NUP210: variants seen among roughly 807,000 people sequenced by gnomAD.
NUP210 encodes nuclear pore membrane glycoprotein 210.
NUP210 carries 151 observed loss-of-function variants against 196.0 expected under a neutral mutation model. The observed-to-expected ratio is 0.77, with a 90% CI of 0.67 to 0.88. NUP210 has a LOEUF of 0.88. Ranked by LOEUF, NUP210 falls within the 40% of genes least tolerant of loss-of-function variation. The probability of loss-of-function intolerance (pLI) is 0.00; values close to 1 mark genes in which losing one functional copy is unlikely to be tolerated. For synonymous variants in NUP210, 1,070 were observed against 1,052.7 expected (o/e 1.02, Z -0.32); for missense variants, 2,314 against 2,493.7 (o/e 0.93, Z 1.53).
Position 13,353,596 on chromosome 3 carries a change from G to A in NUP210, c.2586C>T (p.Gly862=). The change falls in exon 18 of 40, where the codon GGC becomes GGT. Residue 862 remains glycine (G), a synonymous_variant. Coordinates refer to ENST00000254508, the MANE Select transcript of NUP210 (RefSeq NM_024923.4). ...GTTAITATAT[G]YQESHLSSAR... ...CAGAGCTGAGGTGGGACTCCTGGTAGCCAGTGGCAGTGGCAGTGATGGCTG... is the reference window on the plus strand; with the variant it reads ...CAGAGCTGAGGTGGGACTCCTGGTAACCAGTGGCAGTGGCAGTGATGGCTG... 6.2e-7 allele frequency: 1 copy of A among 1,614,160 alleles called. No individual in the cohort carries two copies. The highest frequency in any genetic ancestry group is 8.5e-7 in the Non-Finnish European group (1 of 1,180,012).
chr3:13,319,807 G>A lies in NUP210; in HGVS notation c.5339C>T (p.Pro1780Leu), dbSNP rs866234498. ...SPVTNQAIAI[P>L]VTVAFVVDRR... is the part of the protein sequence containing the mutation. ...ATCCACCACAAAAGCCACTGTCACT[G>A]GGATGGCAATGGCTTGGTTGGTCAC... The change falls in exon 37 of 40, where the codon CCA becomes CTA. Residue 1780 changes from proline to leucine, a missense_variant. By Grantham distance (98) the Pro-to-Leu change is moderately conservative. Transcript: ENST00000254508. 1 of 1,614,226 alleles carries A rather than the reference G, an allele frequency of 6.2e-7. No individual in the cohort carries two copies. Among genetic ancestry groups the A allele is most frequent in the African/African-American group, 1.3e-5 (1 of 75,070 alleles).
chr3:13,406,256 G>T (rs1167103955), intron 1 of NUP210, among the ~76,000 whole-genome samples: 1 of 152,130 alleles, frequency 6.6e-6, no homozygotes, highest in African/African-American at 2.4e-5. Context: ...GATATAAGCT[G>T]CCATTCTCCA....
chr3:13,350,218 CTGTG>C lies in NUP210; in HGVS notation c.2835+1657_2835+1660del, dbSNP rs143794532. The stretch of plus-strand genomic sequence containing the variant: ...TGTGTGTTCAGCAAAATAACACAGC[CTGTG>C]TGTGTGTGTGTTCAGCAAAATAACA... On this transcript the variant is annotated intron_variant, in intron 20 of 39. Coordinates refer to ENST00000254508, the MANE Select transcript of NUP210 (RefSeq NM_024923.4). This position sits in a 1 kb window ranked among gnomAD's most constrained non-coding sequence, Gnocchi z 4.1. Among the ~76,000 whole-genome samples the C allele has an allele frequency of 7.7e-6, 1 of 130,516 alleles. No homozygotes were observed. The highest frequency in any genetic ancestry group is 2.2e-4 in the South Asian group (1 of 4,464). The allele number at this position is 130,516 out of a possible 152,430, so 85.6% of individuals were successfully genotyped here. A position where few individuals can be genotyped will look rare whatever the true frequency, so the allele number is the denominator to read the frequency against.
chr3:13,391,693 C>G (rs1003430811), intron 3 of NUP210, among the ~76,000 whole-genome samples: 1 of 142,000 alleles, frequency 7.0e-6, no homozygotes, highest in Non-Finnish European at 1.5e-5. Flanking sequence ...TTCCTGCTCA[C>G]CACTTCCTGG....
intron 1 of NUP210, among the ~76,000 whole-genome samples, chr3:13,414,896 G>A (rs1014179566): frequency 2.0e-5 from 3 of 152,198 alleles, no homozygotes; most frequent in African/African-American, 7.2e-5. Flanking sequence ...ATCTCCTGCT[G>A]CTTCACTGTC....
At chr3:13,373,900 C>T in intron 11 of NUP210, 27 bp from the exon 12 acceptor site, 1 of 1,609,664 alleles carries the variant, frequency 6.2e-7, no homozygotes, top group Non-Finnish European at 8.5e-7. Flanking sequence ...ATCACAGGAC[C>T]AGCCACCCAC....
At chr3:13,351,703 G>GT (rs1697979241) in intron 20 of NUP210, 176 bp downstream of exon 20, 1 of 578,826 alleles carries the variant, frequency 1.7e-6, no homozygotes, top group East Asian at 2.9e-5. Flanking sequence ...TCACTATATT[G>GT]TCCAGGCTGG....
chr3:13,344,584 G>C (rs1310997213), intron 20 of NUP210, among the ~76,000 whole-genome samples: 1 of 151,922 alleles, frequency 6.6e-6, no homozygotes, highest in Non-Finnish European at 1.5e-5. Flanking sequence ...CTGACCCAAA[G>C]GTGACAACCA....
chr3:13,387,301 G>A (rs1376048067), intron 5 of NUP210, among the ~76,000 whole-genome samples: 1 of 152,212 alleles, frequency 6.6e-6, no homozygotes, highest in African/African-American at 2.4e-5. Flanking sequence ...ACCACCATGG[G>A]CAGGGCTCTG....
Position 13,347,400 on chromosome 3 carries a change from A to G in NUP210, c.2836-4097T>C. 1.1e-6 allele frequency: 1 copy of G among 917,704 alleles called. No individual in the cohort carries two copies. The allele number at this position is 917,704 out of a possible 1,614,324, so 56.8% of individuals were successfully genotyped here. On this transcript the variant is annotated intron_variant, in intron 20 of 39. Transcript: ENST00000254508. This position sits in a 1 kb window ranked among gnomAD's most constrained non-coding sequence, Gnocchi z 4.7. ...TGAAATGTAAAGAATCGTTGAAAAG[A>G]AGGAAAACTTAGGCTTAAATCGGAT... is the stretch of plus-strand genomic sequence containing the variant.
At chr3:13,371,338 G>A (rs940240609) in intron 13 of NUP210, among the ~76,000 whole-genome samples, 2 of 152,180 alleles carry the variant, frequency 1.3e-5, no homozygotes, top group African/African-American at 4.8e-5. Flanking sequence ...AAAGTCCTAA[G>A]GAGGTCAGGC....
chr3:13,344,211 ACT>A (rs1189100018), intron 20 of NUP210, among the ~76,000 whole-genome samples: 3 of 151,920 alleles, frequency 2.0e-5, no homozygotes, highest in Admixed American at 6.6e-5. Context: ...TACCTTTAAG[ACT>A]CTCCCCTAAG....
At chr3:13,392,374 A>G (rs999261262) in intron 3 of NUP210, among the ~76,000 whole-genome samples, 3 of 152,198 alleles carry the variant, frequency 2.0e-5, no homozygotes, top group Non-Finnish European at 4.4e-5. Context: ...CGTCAATGTG[A>G]GCAACTGATC....
At chr3:13,346,388 GAC>G (rs1697729453) in intron 20 of NUP210, among the ~76,000 whole-genome samples, 1 of 152,224 alleles carries the variant, frequency 6.6e-6, no homozygotes, top group Admixed American at 6.5e-5. Flanking sequence ...CTTCCTGATT[GAC>G]ACATGGGAGA....
intron 20 of NUP210, among the ~76,000 whole-genome samples, chr3:13,349,298 G>A (rs919873899): frequency 3.3e-5 from 5 of 152,144 alleles, no homozygotes; most frequent in Admixed American, 2.0e-4. Flanking sequence ...CAGGTGATTC[G>A]TTTCCTAGGA....
At chr3:13,390,016 G>A (rs1009712869) in intron 4 of NUP210, among the ~76,000 whole-genome samples, 2 of 152,162 alleles carry the variant, frequency 1.3e-5, no homozygotes, top group African/African-American at 4.8e-5. Context: ...CAGAGACTAA[G>A]AGAAACAGGA....
chr3:13,328,804 G>A lies in NUP210; in HGVS notation c.4253C>T (p.Ala1418Val). The A allele has an allele frequency of 6.2e-7, 1 of 1,614,164 alleles. No homozygotes were observed. ...GGCAAAGTTGAGGACCGAACTGTGAGCATGGAAGACATCTCCAGAGTTGTC... is the reference window on the plus strand; with the variant it reads ...GGCAAAGTTGAGGACCGAACTGTGAACATGGAAGACATCTCCAGAGTTGTC... Reference protein sequence around the residue: ...FHDNSGDVFHAHSSVLNFATN... With the variant: ...FHDNSGDVFHVHSSVLNFATN... The change falls in exon 31 of 40, where the codon GCT becomes GTT. Residue 1418 changes from alanine to valine, a missense_variant. By Grantham distance (64) the Ala-to-Val change is moderately conservative. Coordinates refer to ENST00000254508, the MANE Select transcript of NUP210 (RefSeq NM_024923.4).
intron 1 of NUP210, among the ~76,000 whole-genome samples, chr3:13,400,353 C>T (rs367814149): frequency 7.9e-5 from 12 of 152,282 alleles, no homozygotes; most frequent in African/African-American, 2.9e-4. Flanking sequence ...GGATCACTAC[C>T]TGTAATGATA....
Position 13,360,891 on chromosome 3 carries a change from C to T in NUP210, c.1933-400G>A, listed in dbSNP as rs188801453. 2.4e-3 allele frequency among the ~76,000 whole-genome samples: 370 copies of T among 152,310 alleles called. 2 individuals carry two copies. The highest frequency in any genetic ancestry group is 8.5e-3 in the African/African-American group (354 of 41,566). Reference sequence around the variant, plus strand: ...TTCATCACACTATTATTTCCCACAGCAAATAACCAACAATAATCTACAATC... The same window carrying T: ...TTCATCACACTATTATTTCCCACAGTAAATAACCAACAATAATCTACAATC... On this transcript the variant is annotated intron_variant, in intron 14 of 39. Coordinates refer to ENST00000254508, the MANE Select transcript of NUP210 (RefSeq NM_024923.4).
Sources: gnomAD v4.1 joint callset for allele counts (sites outside exome capture counted in the v4.1 genomes callset) on GRCh38, gnomAD v4.1.1 for gene constraint, Gnocchi (gnomAD v3.1) non-coding constraint, MANE v1.5 for transcripts, NCBI Gene and HGNC (gene_info 2026-07-23, HGNC 2026-07-21) for gene names.